Variants in ABCD2 observed in about 807,000 individuals in gnomAD.
The protein encoded by ABCD2 is ATP-binding cassette sub-family D member 2.
ABCD2 carries 36 observed loss-of-function variants against 70.9 expected under a neutral mutation model. That is an observed-to-expected ratio of 0.51 (90% CI 0.39 to 0.67). The LOEUF (loss-of-function observed/expected upper bound fraction) is 0.67, where lower values mean the gene tolerates loss of function less well. ABCD2 is among the 30% of genes least tolerant of loss of function. The pLI is 0.00. For synonymous variants in ABCD2, 304 were observed against 306.9 expected (o/e 0.99, Z 0.10); for missense variants, 729 against 890.2 (o/e 0.82, Z 2.30).
chr12:39,563,551 A>T (rs542370921), intron 9 of ABCD2, among the ~76,000 whole-genome samples: 11 of 152,314 alleles, frequency 7.2e-5, no homozygotes, highest in African/African-American at 2.2e-4. Flanking sequence ...TGAATTTGAA[A>T]GGAAAAAGAT....
At chr12:39,592,476 A>G (rs1941759604) in intron 6 of ABCD2, among the ~76,000 whole-genome samples, 1 of 152,204 alleles carries the variant, frequency 6.6e-6, no homozygotes, top group South Asian at 2.1e-4. Context: ...CTAGGATCCT[A>G]CCAGTGCTGT....
chr12:39,542,358 G>A, the ABCD2 span, among the ~76,000 whole-genome samples: 1 of 151,806 alleles, frequency 6.6e-6, no homozygotes, highest in East Asian at 1.9e-4. Context: ...AGCTATTCAG[G>A]AGGCTGAGGC....
intron 2 of ABCD2, 140 bp downstream of exon 2, chr12:39,616,848 G>A: frequency 1.5e-6 from 1 of 686,188 alleles, no homozygotes; most frequent in East Asian, 3.2e-5. Flanking sequence ...ACTGGACGCT[G>A]TAAAGTCTGC....
At chr12:39,564,419 A>T (rs1941310110) in intron 9 of ABCD2, among the ~76,000 whole-genome samples, 2 of 152,160 alleles carry the variant, frequency 1.3e-5, no homozygotes, top group Non-Finnish European at 2.9e-5. Flanking sequence ...TGGCTGCATA[A>T]ATGTCTTCTT....
rs1311759246 is a variant in ABCD2 at position 39,579,560 on chromosome 12, C to T, written c.1852G>A (p.Gly618Ser). 6.2e-7 allele frequency: 1 copy of T among 1,613,108 alleles called. No homozygotes were observed. Residue 618 changes from glycine (G) to serine (S), a missense_variant, in exon 8 of 10, where the codon GGC becomes AGC. Gly to Ser is a moderately conservative substitution (Grantham distance 56). Coordinates refer to ENST00000308666, the MANE Select transcript of ABCD2 (RefSeq NM_005164.4). ...TTATGATAAAACATACGAGCCATGC[C>T]CATTCTTTGCTTTTCCCCTCCTGAC... Reference protein sequence around the residue: ...VLSGGEKQRMGMARMFYHKPK... With the variant: ...VLSGGEKQRMSMARMFYHKPK...
At chr12:39,546,263 A>C (rs1941024470), downstream of ABCD2, among the ~76,000 whole-genome samples, 1 of 149,346 alleles carries the variant, frequency 6.7e-6, no homozygotes, top group African/African-American at 2.5e-5. Context: ...TCATTCTCAG[A>C]AATTAACCTT....
chr12:39,555,657 C>T (rs1159088603), intron 9 of ABCD2, among the ~76,000 whole-genome samples: 1 of 152,146 alleles, frequency 6.6e-6, no homozygotes, highest in Non-Finnish European at 1.5e-5. Flanking sequence ...ACTACCAGGC[C>T]TGCCACAGTA....
At chr12:39,531,687 T>C in the ABCD2 span, among the ~76,000 whole-genome samples, 3 of 152,234 alleles carry the variant, frequency 2.0e-5, no homozygotes, top group Admixed American at 2.0e-4. Context: ...GTTCAGTCTT[T>C]CTTAACTAAG....
intron 9 of ABCD2, among the ~76,000 whole-genome samples, chr12:39,568,663 C>CA (rs1283010359): frequency 2.0e-5 from 3 of 152,164 alleles, no homozygotes; most frequent in Non-Finnish European, 4.4e-5. Flanking sequence ...TGTTCCGTTG[C>CA]TGGTGAGGAG....
chr12:39,603,194 T>C (rs2120722249), intron 5 of ABCD2, among the ~76,000 whole-genome samples: 1 of 152,280 alleles, frequency 6.6e-6, no homozygotes. Flanking sequence ...TGTTATCATG[T>C]TTGTAATTCT....
At position 39,558,215 on chromosome 12, in the gene ABCD2, AGGAT is replaced by A. The variant is rs544563707; in HGVS notation, c.2004-4088_2004-4085del. ...AAGATTTGACTGATCCACTGGATTT[AGGAT>A]TTGCACAGGGCCTATAGCCCCTTCT... On this transcript the variant is annotated intron_variant, in intron 9 of 9. Coordinates refer to ENST00000308666, the MANE Select transcript of ABCD2 (RefSeq NM_005164.4). Among the ~76,000 whole-genome samples, 375 of 152,368 alleles carry A rather than the reference AGGAT, an allele frequency of 2.5e-3. 2 individuals carry two copies. The highest frequency in any genetic ancestry group is 8.5e-3 in the African/African-American group (355 of 41,590).
chr12:39,615,538 A>G (rs1475263380), intron 2 of ABCD2, among the ~76,000 whole-genome samples: 1 of 152,044 alleles, frequency 6.6e-6, no homozygotes, highest in Non-Finnish European at 1.5e-5. Flanking sequence ...GTAAATTTTG[A>G]AACATAAAAC....
At chr12:39,571,710 A>C (rs1941451371) in intron 9 of ABCD2, among the ~76,000 whole-genome samples, 1 of 152,200 alleles carries the variant, frequency 6.6e-6, no homozygotes, top group South Asian at 2.1e-4. Context: ...CATTTGAGAT[A>C]ATCTTTAAAC....
chr12:39,576,265 T>C (rs901011838), intron 8 of ABCD2, among the ~76,000 whole-genome samples: 27 of 152,180 alleles, frequency 1.8e-4, no homozygotes, highest in Admixed American at 4.6e-4. Context: ...GTTCAAGTGA[T>C]TCCGCTGCCT....
intron 7 of ABCD2, among the ~76,000 whole-genome samples, chr12:39,582,425 C>A (rs1941608100): frequency 6.6e-6 from 1 of 152,178 alleles, no homozygotes. Context: ...ACATAGTAAG[C>A]ACTCAATAGC....
At chr12:39,542,249 G>A in the ABCD2 span, among the ~76,000 whole-genome samples, 1 of 152,148 alleles carries the variant, frequency 6.6e-6, no homozygotes, top group Non-Finnish European at 1.5e-5. Context: ...GGATCATGAG[G>A]TCTGGAGATC....
At chr12:39,592,562 T>A (rs1644024827) in intron 6 of ABCD2, among the ~76,000 whole-genome samples, 2 of 152,224 alleles carry the variant, frequency 1.3e-5, no homozygotes, top group African/African-American at 4.8e-5. Flanking sequence ...AAGGGCAAAG[T>A]CTGTTCCAGT....
chr12:39,578,227 C>T (rs540816329), intron 8 of ABCD2, among the ~76,000 whole-genome samples: 2 of 152,298 alleles, frequency 1.3e-5, no homozygotes, highest in African/African-American at 4.8e-5. Context: ...GTAATCCCAG[C>T]ACTTTGGGAG....
intron 2 of ABCD2, 85 bp downstream of exon 2, chr12:39,616,903 G>A: frequency 7.9e-7 from 1 of 1,271,816 alleles, no homozygotes; most frequent in Non-Finnish European, 1.1e-6. Flanking sequence ...CATGTACACA[G>A]TTTAGCTCAC....
Sources: gnomAD v4.1 joint callset for allele counts (sites outside exome capture counted in the v4.1 genomes callset) on GRCh38, gnomAD v4.1.1 for gene constraint, MANE v1.5 for transcripts, NCBI Gene and HGNC (gene_info 2026-07-23, HGNC 2026-07-21) for gene names.